OXCT1: variants seen among roughly 807,000 people sequenced by gnomAD.
The protein encoded by OXCT1 is 3-oxoacid CoA-transferase 1.
OXCT1 carries 27 observed loss-of-function variants against 69.6 expected under a neutral mutation model. The observed-to-expected ratio is 0.39, with a 90% CI of 0.29 to 0.54. The LOEUF (loss-of-function observed/expected upper bound fraction) is 0.54, where lower values mean the gene tolerates loss of function less well. Ranked by LOEUF, OXCT1 falls within the 20% of genes least tolerant of loss-of-function variation. OXCT1 has a pLI of 0.72. For synonymous variants in OXCT1, 202 were observed against 217.8 expected, an observed-to-expected ratio of 0.93 and a Z score of 0.64; for missense variants, 437 against 650.2, an observed-to-expected ratio of 0.67 and a Z score of 3.57.
chr5:41,741,886 G>C (rs1743186547), intron 15 of OXCT1, among the ~76,000 whole-genome samples: 1 of 152,176 alleles, frequency 6.6e-6, no homozygotes, highest in Non-Finnish European at 1.5e-5. Context: ...ATACTCATTA[G>C]CTTGCTTCAT....
At position 41,788,021 on chromosome 5, in the gene OXCT1, T is replaced by C. The variant is rs535412905; in HGVS notation, c.1248+5982A>G. Among the ~76,000 whole-genome samples, 20 of 152,226 alleles carry C rather than the reference T, an allele frequency of 1.3e-4. No individual in the cohort carries two copies. The South Asian group carries it at 3.7e-3, about 28-fold the overall frequency. On this transcript the variant is annotated intron_variant, in intron 13 of 16. Transcript: ENST00000196371. ...AAAGATTTTTCCTCATTTTCAAAGA[T>C]TACTTAAAAAGATAGTCGAGTGTTT...
intron 9 of OXCT1, 62 bp downstream of exon 9, chr5:41,805,505 C>G (rs1382424358): frequency 2.8e-6 from 3 of 1,081,210 alleles, no homozygotes; most frequent in Non-Finnish European, 4.3e-6. Flanking sequence ...GTCTAATAGC[C>G]TGATCAATAT....
intron 1 of OXCT1, among the ~76,000 whole-genome samples, chr5:41,868,308 G>C (rs16900142): frequency 0.19 from 28,234 of 152,078 alleles, 2,777 homozygotes; most frequent in Middle Eastern, 0.28. Context: ...TTTGTTGAGG[G>C]AGACTAAGTG....
chr5:41,865,801 T>C (rs920153271), intron 1 of OXCT1, among the ~76,000 whole-genome samples: 2 of 152,196 alleles, frequency 1.3e-5, no homozygotes, highest in Non-Finnish European at 2.9e-5. Flanking sequence ...CAAATGATGT[T>C]ATATACAGAA....
At chr5:41,815,513 T>C (rs1308173417) in intron 7 of OXCT1, among the ~76,000 whole-genome samples, 1 of 152,124 alleles carries the variant, frequency 6.6e-6, no homozygotes, top group African/African-American at 2.4e-5. Flanking sequence ...AATGCCAATC[T>C]TCTCTTTATG....
At chr5:41,802,862 G>C (rs561272527) in intron 10 of OXCT1, among the ~76,000 whole-genome samples, 15 of 152,046 alleles carry the variant, frequency 9.9e-5, no homozygotes, top group African/African-American at 3.6e-4. Context: ...ATAAGCTTGG[G>C]CACTTTATGC....
intron 13 of OXCT1, among the ~76,000 whole-genome samples, chr5:41,784,580 A>G (rs1218183057): frequency 1.3e-5 from 2 of 152,350 alleles, no homozygotes; most frequent in Non-Finnish European, 2.9e-5. Flanking sequence ...CTGTGGCAGA[A>G]TGTGAAGCAC....
chr5:41,755,177 A>C (rs1371504192), intron 14 of OXCT1, among the ~76,000 whole-genome samples: 3 of 152,062 alleles, frequency 2.0e-5, no homozygotes, highest in Admixed American at 2.0e-4. Flanking sequence ...TTGTGCACAT[A>C]AATGCAAAGC....
At chr5:41,766,143 G>A (rs1318657816) in intron 13 of OXCT1, among the ~76,000 whole-genome samples, 1 of 152,028 alleles carries the variant, frequency 6.6e-6, no homozygotes, top group Admixed American at 6.6e-5. Flanking sequence ...ATGCGTTCTG[G>A]CTAGCATAAT....
chr5:41,801,814 T>C (rs1326524931), intron 10 of OXCT1, among the ~76,000 whole-genome samples: 1 of 152,100 alleles, frequency 6.6e-6, no homozygotes, highest in Non-Finnish European at 1.5e-5. Context: ...ATTTTTATAA[T>C]GTAACTCTAT....
chr5:41,796,641 C>T (rs558808503), intron 11 of OXCT1, among the ~76,000 whole-genome samples: 41 of 152,056 alleles, frequency 2.7e-4, no homozygotes, highest in African/African-American at 8.7e-4. Context: ...ATATATCTCT[C>T]GAGGGAGTTT....
At chr5:41,847,826 C>A in intron 5 of OXCT1, among the ~76,000 whole-genome samples, 1 of 150,256 alleles carries the variant, frequency 6.7e-6, no homozygotes, top group Non-Finnish European at 1.5e-5. Context: ...CAATATCATA[C>A]TGAATGGGCA....
chr5:41,845,250 G>C (rs1197328226), intron 5 of OXCT1, among the ~76,000 whole-genome samples: 1 of 152,052 alleles, frequency 6.6e-6, no homozygotes, highest in Middle Eastern at 3.2e-3. Flanking sequence ...ATCTCCACTT[G>C]CCTCGTTCTC....
At chr5:41,849,107 C>T (rs111987499) in intron 5 of OXCT1, among the ~76,000 whole-genome samples, 1 of 152,170 alleles carries the variant, frequency 6.6e-6, no homozygotes. Context: ...AGATCACTCT[C>T]AACAGAAAGA....
intron 11 of OXCT1, among the ~76,000 whole-genome samples, chr5:41,799,842 C>A (rs1746346563): frequency 6.6e-6 from 1 of 152,180 alleles, no homozygotes; most frequent in Non-Finnish European, 1.5e-5. Context: ...TCCAAAAATT[C>A]TAAGTATCAA....
chr5:41,869,934 C>G (rs1190653718), intron 1 of OXCT1: 1 of 386,328 alleles, frequency 2.6e-6, no homozygotes, highest in African/African-American at 2.1e-5. Context: ...TTCAGACCCT[C>G]AGAGTCCCTA....
chr5:41,780,133 T>C (rs1001079115), intron 13 of OXCT1, among the ~76,000 whole-genome samples: 1 of 152,100 alleles, frequency 6.6e-6, no homozygotes, highest in Non-Finnish European at 1.5e-5. Flanking sequence ...GAATATGACA[T>C]GTTTTGGGTG....
intron 7 of OXCT1, among the ~76,000 whole-genome samples, chr5:41,824,332 C>G (rs899980645): frequency 6.6e-6 from 1 of 152,088 alleles, no homozygotes; most frequent in Non-Finnish European, 1.5e-5. Flanking sequence ...GGCTATATAT[C>G]TCCTTCAACT....
chr5:41,758,308 G>A (rs902569651), intron 14 of OXCT1, among the ~76,000 whole-genome samples: 2 of 152,076 alleles, frequency 1.3e-5, no homozygotes, highest in African/African-American at 4.8e-5. Flanking sequence ...CAGATGAGGT[G>A]GCTGTGGAAC....
Sources: gnomAD v4.1 joint callset for allele counts (sites outside exome capture counted in the v4.1 genomes callset) on GRCh38, gnomAD v4.1.1 for gene constraint, MANE v1.5 for transcripts, NCBI Gene and HGNC (gene_info 2026-07-23, HGNC 2026-07-21) for gene names.